The following CDH12 variants were observed in gnomAD, a reference collection of about 807,000 sequenced individuals.
The protein encoded by CDH12 is cadherin-12.
In CDH12, 41 loss-of-function variants were observed where a neutral mutation model predicts 74.1. The ratio of observed to expected loss-of-function variants is 0.55; its 90% confidence interval spans 0.43 to 0.72. The LOEUF (loss-of-function observed/expected upper bound fraction) is 0.72, where lower values mean the gene tolerates loss of function less well. CDH12 is among the 30% of genes least tolerant of loss of function. The pLI, the probability that CDH12 is intolerant of heterozygous loss-of-function variation, is 0.00. For missense variants in CDH12, 945 were observed against 977.2 expected (o/e 0.97, Z 0.44); for synonymous variants, 399 against 355.0 (o/e 1.12, Z -1.39).
chr5:22,145,344 T>C (rs1242013066), intron 4 of CDH12, among the ~76,000 whole-genome samples: 1 of 152,094 alleles, frequency 6.6e-6, no homozygotes, highest in Non-Finnish European at 1.5e-5. Context: ...TGATACCTTT[T>C]TATGAGGCCT....
At chr5:21,833,912 A>AC (rs1181252176) in intron 8 of CDH12, among the ~76,000 whole-genome samples, 1 of 151,970 alleles carries the variant, frequency 6.6e-6, no homozygotes, top group African/African-American at 2.4e-5. Context: ...GCCATGCTTT[A>AC]CCTTCAGCAT....
chr5:22,838,333 T>A (rs922105576), intron 1 of CDH12, among the ~76,000 whole-genome samples: 14 of 152,132 alleles, frequency 9.2e-5, no homozygotes, highest in African/African-American at 3.4e-4. Flanking sequence ...TTGCCAACTT[T>A]GACTGGTTCA....
intron 1 of CDH12, among the ~76,000 whole-genome samples, chr5:22,547,967 A>T (rs1039179603): frequency 6.6e-6 from 1 of 152,188 alleles, no homozygotes; most frequent in African/African-American, 2.4e-5. Context: ...CATTGGATCC[A>T]AAGGAATGAA....
chr5:22,553,823 C>A (rs1738679869), intron 1 of CDH12, among the ~76,000 whole-genome samples: 1 of 152,116 alleles, frequency 6.6e-6, no homozygotes, highest in South Asian at 2.1e-4. Context: ...CACCTGAAAT[C>A]ATCAGCATTA....
At chr5:22,046,184 T>C (rs1739939148) in intron 5 of CDH12, among the ~76,000 whole-genome samples, 1 of 152,022 alleles carries the variant, frequency 6.6e-6, no homozygotes, top group Admixed American at 6.6e-5. Flanking sequence ...ACAAATAAAG[T>C]GGACAATTTA....
At chr5:21,876,151 C>T (rs1751927913) in intron 6 of CDH12, among the ~76,000 whole-genome samples, 1 of 152,150 alleles carries the variant, frequency 6.6e-6, no homozygotes. Context: ...TCCTCAGCCT[C>T]CCAAAGTGCT....
In CDH12 at chr5:21,833,314, G is replaced by GTTATATA. The variant is rs1749300008; in HGVS notation, c.814+8840_814+8846dup. ...ATATAATATATATTATATGTTATATGTTATATAATATATATTATATATTAT... is the reference window on the plus strand; with the variant it reads ...ATATAATATATATTATATGTTATATGTTATATATTATATAATATATATTATATATTAT... On this transcript the variant is annotated intron_variant, in intron 8 of 14. Coordinates refer to ENST00000382254, the MANE Select transcript of CDH12 (RefSeq NM_004061.5). Among the ~76,000 whole-genome samples the GTTATATA allele has an allele frequency of 6.8e-3, 27 of 3,974 alleles. 3 individuals carry two copies. Among genetic ancestry groups the GTTATATA allele is most frequent in the Non-Finnish European group, 0.01 (26 of 2,570 alleles). 2.6% of individuals were successfully genotyped at this position (3,974 alleles called of 152,430 possible). A position where few individuals can be genotyped will look rare whatever the true frequency, so the allele number is the denominator to read the frequency against.
At chr5:22,140,708 C>T (rs941790844) in intron 4 of CDH12, among the ~76,000 whole-genome samples, 2 of 152,116 alleles carry the variant, frequency 1.3e-5, no homozygotes, top group African/African-American at 4.8e-5. Context: ...CAGAAAATCC[C>T]AAGAATCTTT....
At chr5:21,860,555 C>A (rs1380351176) in intron 6 of CDH12, among the ~76,000 whole-genome samples, 3 of 151,928 alleles carry the variant, frequency 2.0e-5, no homozygotes, top group Non-Finnish European at 4.4e-5. Flanking sequence ...AGTCAGTGGA[C>A]TGGGAGAAGC....
At chr5:22,098,418 C>T (rs771022877) in intron 4 of CDH12, among the ~76,000 whole-genome samples, 1 of 152,160 alleles carries the variant, frequency 6.6e-6, no homozygotes, top group Admixed American at 6.5e-5. Flanking sequence ...AGCCAGGACC[C>T]CACCCTTTAG....
intron 3 of CDH12, among the ~76,000 whole-genome samples, chr5:22,236,801 C>T (rs1752576245): frequency 6.6e-6 from 1 of 151,936 alleles, no homozygotes; most frequent in Non-Finnish European, 1.5e-5. Flanking sequence ...AAACCTTCAC[C>T]AGATCAGGAT....
At chr5:21,879,331 AAAGAT>A (rs1752118298) in intron 6 of CDH12, among the ~76,000 whole-genome samples, 1 of 152,248 alleles carries the variant, frequency 6.6e-6, no homozygotes, top group Non-Finnish European at 1.5e-5. Flanking sequence ...AAAAGAAAGA[AAAGAT>A]AAGAGCCATT....
In CDH12 at chr5:21,806,613, A is replaced by G. The variant is rs144670429; in HGVS notation, c.1003-4193T>C. On this transcript the variant is annotated intron_variant, in intron 9 of 14. Coordinates refer to ENST00000382254, the MANE Select transcript of CDH12 (RefSeq NM_004061.5). ...GGGTCTTCATTCTGAAGGCACCTGT[A>G]TATACACGTTAAATAATTTGTTTGC... is the stretch of plus-strand genomic sequence containing the variant. Among the ~76,000 whole-genome samples the G allele has an allele frequency of 2.6e-5, 4 of 152,288 alleles. No homozygotes were observed. In the East Asian group the frequency reaches 7.7e-4, roughly 29 times the overall value.
At chr5:21,945,479 A>G (rs1157849127) in intron 6 of CDH12, among the ~76,000 whole-genome samples, 1 of 148,600 alleles carries the variant, frequency 6.7e-6, no homozygotes, top group Non-Finnish European at 1.5e-5. Flanking sequence ...TTATCTAACA[A>G]GGATTTTAAA....
intron 3 of CDH12, among the ~76,000 whole-genome samples, chr5:22,216,900 G>C (rs1421220627): frequency 6.6e-6 from 1 of 151,756 alleles, no homozygotes; most frequent in Non-Finnish European, 1.5e-5. Flanking sequence ...TGGAAAATTT[G>C]AGGAAATTAA....
At chr5:22,502,661 G>GACAC (rs3039484) in intron 2 of CDH12, among the ~76,000 whole-genome samples, 2 of 119,200 alleles carry the variant, frequency 1.7e-5, no homozygotes, top group African/African-American at 5.2e-5. Flanking sequence ...CGCACACACA[G>GACAC]ACACACACAC....
chr5:22,256,831 T>C (rs558252087), intron 3 of CDH12, among the ~76,000 whole-genome samples: 3 of 152,180 alleles, frequency 2.0e-5, no homozygotes, highest in African/African-American at 7.2e-5. Context: ...AGCAATCCCA[T>C]TACTAGGGAA....
At chr5:22,034,324 T>G (rs974178938) in intron 5 of CDH12, among the ~76,000 whole-genome samples, 4 of 152,188 alleles carry the variant, frequency 2.6e-5, no homozygotes, top group African/African-American at 9.6e-5. Flanking sequence ...TGTGAACCAC[T>G]GCACCCAGTC....
intron 3 of CDH12, among the ~76,000 whole-genome samples, chr5:22,384,303 T>A (rs1466533782): frequency 6.6e-6 from 1 of 151,164 alleles, no homozygotes; most frequent in East Asian, 1.9e-4. Context: ...GGCGGGCGGA[T>A]CACGAGGTCA....
Sources: gnomAD v4.1 joint callset for allele counts (sites outside exome capture counted in the v4.1 genomes callset) on GRCh38, gnomAD v4.1.1 for gene constraint, MANE v1.5 for transcripts, NCBI Gene and HGNC (gene_info 2026-07-23, HGNC 2026-07-21) for gene names.